Variants in IL21R observed in about 807,000 individuals in gnomAD.
IL21R encodes interleukin-21 receptor.
Under a neutral mutation model 41.3 loss-of-function variants are expected in IL21R, and 14 were observed. The observed-to-expected ratio is 0.34, with a 90% CI of 0.22 to 0.53. IL21R has a LOEUF of 0.53. Among genes scored for constraint, IL21R ranks in the 20% least tolerant of loss-of-function variants. IL21R has a pLI of 0.94. For synonymous variants in IL21R, 286 were observed against 287.6 expected, an observed-to-expected ratio of 0.99 and a Z score of 0.05; for missense variants, 588 against 681.6, an observed-to-expected ratio of 0.86 and a Z score of 1.53.
At position 27,430,602 on chromosome 16, in the gene IL21R, G is replaced by A. The variant is rs142453206; in HGVS notation, c.49+482G>A. Among the ~76,000 whole-genome samples the A allele has an allele frequency of 1.0e-3, 155 of 152,282 alleles. 2 individuals carry two copies. Among genetic ancestry groups the A allele is most frequent in the Admixed American group, 9.3e-3 (142 of 15,290 alleles). ...AGGCTGAGGAGGGTAGGTCGCTTGA[G>A]CTCAGGATCTCAAGACCAGCCTGGG... On this transcript the variant is annotated intron_variant, in intron 2 of 8. Transcript: ENST00000337929.
At position 27,450,098 on chromosome 16, in the gene IL21R, G is replaced by A. The variant is rs1029552510; in HGVS notation, c.*815G>A. 2 of 232,694 alleles carry A rather than the reference G, an allele frequency of 8.6e-6. No individual in the cohort carries two copies. Among genetic ancestry groups the A allele is most frequent in the Non-Finnish European group, 1.7e-5 (2 of 117,790 alleles). 14.4% of individuals were successfully genotyped at this position (232,694 alleles called of 1,614,324 possible). ...CCTTCTGCGGCCAGAGCCGAGGCGG[G>A]CGGGGGTGAGAACATCAATCGTCAG... On this transcript the variant is annotated 3_prime_UTR_variant, in exon 9 of 9. Transcript: ENST00000337929.
At chr16:27,405,581 C>G (rs1031696416) in intron 1 of IL21R, among the ~76,000 whole-genome samples, 1 of 152,168 alleles carries the variant, frequency 6.6e-6, no homozygotes, top group African/African-American at 2.4e-5. Flanking sequence ...GATGCTTCCT[C>G]CAGGAAGAGG....
In IL21R at chr16:27,449,808, T is replaced by G. The variant is rs560563265; in HGVS notation, c.*525T>G. The G allele has an allele frequency of 8.5e-6, 2 of 235,414 alleles. No individual in the cohort carries two copies. Among genetic ancestry groups the G allele is most frequent in the South Asian group, 3.5e-4 (2 of 5,684 alleles). 14.6% of individuals were successfully genotyped at this position (235,414 alleles called of 1,614,324 possible). A position where few individuals can be genotyped will look rare whatever the true frequency, so the allele number is the denominator to read the frequency against. ...GAAGTCCATATTGTTCCTTATCACC[T>G]GCCAACAGGAAGCGAAAGGGGATGG... is the stretch of plus-strand genomic sequence containing the variant. On this transcript the variant is annotated 3_prime_UTR_variant, in exon 9 of 9. Transcript: ENST00000337929.
At chr16:27,418,919 T>G (rs1433865231) in intron 1 of IL21R, among the ~76,000 whole-genome samples, 1 of 150,702 alleles carries the variant, frequency 6.6e-6, no homozygotes, top group East Asian at 2.0e-4. Flanking sequence ...TTTTTTTTGT[T>G]AAAACCTAAG....
intron 4 of IL21R, among the ~76,000 whole-genome samples, chr16:27,440,279 A>G (rs28710804): frequency 1.5e-5 from 2 of 131,860 alleles, no homozygotes; most frequent in Admixed American, 7.3e-5. Context: ...AGAGAGAGAG[A>G]GCGAGCAAGC....
chr16:27,446,224 G>A, intron 8 of IL21R, 136 bp downstream of exon 8: 5 of 602,256 alleles, frequency 8.3e-6, no homozygotes, highest in Non-Finnish European at 1.4e-5. Context: ...CACAAGCCAG[G>A]CCTCAGTTTC....
intron 4 of IL21R, chr16:27,442,709 T>C: frequency 3.0e-6 from 1 of 334,042 alleles, no homozygotes. Context: ...CACTCCTCTC[T>C]GTGACCTGCC....
intron 1 of IL21R, among the ~76,000 whole-genome samples, chr16:27,424,505 A>T (rs2087045236): frequency 6.6e-6 from 1 of 152,180 alleles, no homozygotes; most frequent in Admixed American, 6.5e-5. Flanking sequence ...TCCAGGAAAC[A>T]TTTCTCAGCA....
intron 1 of IL21R, among the ~76,000 whole-genome samples, chr16:27,419,876 A>C (rs1249312068): frequency 6.6e-6 from 1 of 150,480 alleles, no homozygotes; most frequent in African/African-American, 2.4e-5. Flanking sequence ...ACAATACATA[A>C]TTGTATATGC....
chr16:27,406,939 T>C (rs1246066952), intron 1 of IL21R, among the ~76,000 whole-genome samples: 1 of 152,214 alleles, frequency 6.6e-6, no homozygotes, highest in Non-Finnish European at 1.5e-5. Context: ...GAGAACTTGC[T>C]GTGTGACCCT....
At chr16:27,410,120 G>C (rs2086804082) in intron 1 of IL21R, among the ~76,000 whole-genome samples, 2 of 152,144 alleles carry the variant, frequency 1.3e-5, no homozygotes, top group African/African-American at 2.4e-5. Flanking sequence ...TGGATCTTTT[G>C]AGGTCAGGAG....
chr16:27,406,572 G>A (rs760175265), intron 1 of IL21R, among the ~76,000 whole-genome samples: 17 of 152,030 alleles, frequency 1.1e-4, no homozygotes, highest in Middle Eastern at 3.2e-3. Context: ...GAGGTTGCAC[G>A]AGCTGGGGAG....
At chr16:27,431,338 T>G (rs963443976) in intron 2 of IL21R, among the ~76,000 whole-genome samples, 1 of 152,178 alleles carries the variant, frequency 6.6e-6, no homozygotes, top group Non-Finnish European at 1.5e-5. Flanking sequence ...CCTGGCTGCA[T>G]GCAAAGCTCG....
At chr16:27,426,489 T>G (rs1190255656) in intron 1 of IL21R, among the ~76,000 whole-genome samples, 1 of 152,136 alleles carries the variant, frequency 6.6e-6, no homozygotes, top group African/African-American at 2.4e-5. Flanking sequence ...AAAGTTGAGT[T>G]GAGAGGATGG....
intron 8 of IL21R, 65 bp downstream of exon 8, chr16:27,446,153 C>T: frequency 7.3e-7 from 1 of 1,372,500 alleles, no homozygotes; most frequent in Non-Finnish European, 1.0e-6. Flanking sequence ...CCCCACCTCC[C>T]CTCACCCCAG....
intron 1 of IL21R, among the ~76,000 whole-genome samples, chr16:27,408,466 T>C (rs2086780601): frequency 1.3e-5 from 2 of 152,076 alleles, no homozygotes; most frequent in South Asian, 4.2e-4. Flanking sequence ...CTTTTGTGGA[T>C]AACAGAGAGC....
At position 27,437,530 on chromosome 16, in the gene IL21R, C is replaced by A; in HGVS notation, c.195C>A (p.Cys65Ter). The change falls in exon 4 of 9, where the codon TGC becomes TGA. Residue 65 changes from cysteine to a stop codon, truncating the protein, a stop_gained. Coordinates refer to ENST00000337929, the MANE Select transcript of IL21R (RefSeq NM_181078.3). LOFTEE classifies it high-confidence loss of function. ...YEELKDEATS[C>*]SLHRSAHNAT... is the part of the protein sequence containing the mutation. ...AGCTGAAGGACGAGGCCACCTCCTG[C>A]AGCCTCCACAGGTCGGCCCACAATG... 6.2e-7 allele frequency: 1 copy of A among 1,614,126 alleles called. No homozygotes were observed. Among genetic ancestry groups the A allele is most frequent in the Non-Finnish European group, 8.5e-7 (1 of 1,180,004 alleles).
At chr16:27,410,910 C>T (rs935112068) in intron 1 of IL21R, among the ~76,000 whole-genome samples, 9 of 152,206 alleles carry the variant, frequency 5.9e-5, no homozygotes, top group African/African-American at 2.2e-4. Flanking sequence ...ATAAGTGATA[C>T]AATGCAGTAT....
chr16:27,413,431 C>T (rs938402755), intron 1 of IL21R, among the ~76,000 whole-genome samples: 2 of 151,908 alleles, frequency 1.3e-5, no homozygotes, highest in Admixed American at 6.6e-5. Context: ...TTTCTTGCAT[C>T]TTTGTCTGGC....
Sources: gnomAD v4.1 joint callset for allele counts (sites outside exome capture counted in the v4.1 genomes callset) on GRCh38, gnomAD v4.1.1 for gene constraint, MANE v1.5 for transcripts, NCBI Gene and HGNC (gene_info 2026-07-23, HGNC 2026-07-21) for gene names.